The following PCDHA8 variants were observed in gnomAD, a reference collection of about 807,000 sequenced individuals.
The protein encoded by PCDHA8 is protocadherin alpha 8.
In PCDHA8, 53 loss-of-function variants were observed where a neutral mutation model predicts 61.8. The observed-to-expected ratio is 0.86, with a 90% CI of 0.69 to 1.08. The LOEUF (loss-of-function observed/expected upper bound fraction) is 1.08, where lower values mean the gene tolerates loss of function less well. Among genes scored for constraint, PCDHA8 ranks in the 50% least tolerant of loss-of-function variants. The probability of loss-of-function intolerance (pLI) is 0.00; values close to 1 mark genes in which losing one functional copy is unlikely to be tolerated. For synonymous variants in PCDHA8, 618 were observed against 556.6 expected (o/e 1.11, Z -1.55); for missense variants, 1,293 against 1,245.0 (o/e 1.04, Z -0.58).
At chr5:140,889,949 A>C (rs1444545834) in intron 1 of PCDHA8, among the ~76,000 whole-genome samples, 1 of 152,202 alleles carries the variant, frequency 6.6e-6, no homozygotes. Flanking sequence ...GAGAAGCCAA[A>C]TGGATAGAAA....
At chr5:140,935,592 T>C (rs1554210581) in intron 1 of PCDHA8, among the ~76,000 whole-genome samples, 1 of 152,252 alleles carries the variant, frequency 6.6e-6, no homozygotes, top group East Asian at 1.9e-4. Context: ...ACCAGCTAGA[T>C]ACAGAGCTAG....
chr5:140,924,613 T>G (rs185833158), intron 1 of PCDHA8, among the ~76,000 whole-genome samples: 1 of 152,170 alleles, frequency 6.6e-6, no homozygotes, highest in African/African-American at 2.4e-5. Context: ...TGATGCCAGG[T>G]GCGGTGGCAT....
chr5:140,939,215 G>C (rs1251785254), intron 1 of PCDHA8, among the ~76,000 whole-genome samples: 1 of 152,154 alleles, frequency 6.6e-6, no homozygotes, highest in African/African-American at 2.4e-5. Context: ...CCTTCTTGCT[G>C]TCTCTTCACC....
At chr5:140,935,232 A>G (rs2090253350) in intron 1 of PCDHA8, among the ~76,000 whole-genome samples, 1 of 152,110 alleles carries the variant, frequency 6.6e-6, no homozygotes, top group African/African-American at 2.4e-5. Context: ...AGGGATGTCT[A>G]TTTTTTAAAA....
At chr5:140,850,606 T>G (rs2150490821) in intron 1 of PCDHA8, 6 of 1,598,534 alleles carry the variant, frequency 3.8e-6, no homozygotes, top group Non-Finnish European at 5.1e-6. Flanking sequence ...ATCATCGCCA[T>G]CTGCGCGGTG....
At position 140,892,541 on chromosome 5, in the gene PCDHA8, T is replaced by C. The variant is rs192378744; in HGVS notation, c.2394+48826T>C. Among the ~76,000 whole-genome samples, 471 of 152,362 alleles carry C rather than the reference T, an allele frequency of 3.1e-3. 2 individuals are homozygous for C. Among genetic ancestry groups the C allele is most frequent in the African/African-American group, 0.011 (438 of 41,580 alleles). On this transcript the variant is annotated intron_variant, in intron 1 of 3. Coordinates refer to ENST00000531613, the MANE Select transcript of PCDHA8 (RefSeq NM_018911.3). ...CTGGTAGACTCAGGATTCTGACTTTTGTTTCTCTAGTCCTTGGAGACTGTC... is the reference window on the plus strand; with the variant it reads ...CTGGTAGACTCAGGATTCTGACTTTCGTTTCTCTAGTCCTTGGAGACTGTC...
At chr5:140,989,928 A>T (rs2097366853) in intron 3 of PCDHA8, among the ~76,000 whole-genome samples, 1 of 152,032 alleles carries the variant, frequency 6.6e-6, no homozygotes, top group African/African-American at 2.4e-5. Context: ...GCAGAGATAG[A>T]TGACATTCCA....
intron 1 of PCDHA8, among the ~76,000 whole-genome samples, chr5:140,898,910 C>G (rs1313149642): frequency 6.6e-6 from 1 of 152,040 alleles, no homozygotes; most frequent in African/African-American, 2.4e-5. Context: ...CTTCACGTCC[C>G]TTGTAAGTTG....
At chr5:140,862,290 A>G (rs1423685229) in intron 1 of PCDHA8, 3 of 265,086 alleles carry the variant, frequency 1.1e-5, no homozygotes, top group Admixed American at 4.8e-5. Flanking sequence ...GTACAGGAGG[A>G]CGCTCCACTG....
In PCDHA8 at chr5:140,844,415, G is replaced by GT. The variant is rs1436440937; in HGVS notation, c.2394+706dup. Among the ~76,000 whole-genome samples, 5 of 149,230 alleles carry GT rather than the reference G, an allele frequency of 3.4e-5. 1 individual carries two copies. Among genetic ancestry groups the GT allele is most frequent in the Non-Finnish European group, 6.0e-5 (4 of 66,716 alleles). On this transcript the variant is annotated intron_variant, in intron 1 of 3. Transcript: ENST00000531613. ...AGACCATTTTACCATTTGGAGACAT[G>GT]TTTTTTATTCTACATGATTTTTACA...
intron 1 of PCDHA8, chr5:140,876,186 T>A: frequency 1.2e-6 from 2 of 1,613,960 alleles, no homozygotes; most frequent in Middle Eastern, 1.6e-4. Context: ...TGAATGACAA[T>A]GGTCCGGCGT....
In PCDHA8 at chr5:140,870,098, A is replaced by G. The variant is rs181372298; in HGVS notation, c.2394+26383A>G. 3.1e-6 allele frequency: 5 copies of G among 1,613,860 alleles called. No individual in the cohort carries two copies. The East Asian group carries it at 1.1e-4, about 36-fold the overall frequency. On this transcript the variant is annotated intron_variant, in intron 1 of 3. Transcript: ENST00000531613. ...AAGGGGACTCCCCCAATGGCAGGTC[A>G]CTGTACAGTCTGGGTGGAAATCTTG... is the stretch of plus-strand genomic sequence containing the variant.
chr5:140,941,214 C>CTTTCTTTCTTT (rs1554214039), intron 1 of PCDHA8, among the ~76,000 whole-genome samples: 7,707 of 122,054 alleles, frequency 0.063, 376 homozygotes, highest in South Asian at 0.093. Context: ...TTTCTTTCTT[C>CTTTCTTTCTTT]CTTTCTTTCT....
intron 1 of PCDHA8, among the ~76,000 whole-genome samples, chr5:140,925,279 C>T (rs1477579286): frequency 6.6e-6 from 1 of 152,058 alleles, no homozygotes; most frequent in African/African-American, 2.4e-5. Context: ...TCAGATTTTG[C>T]CTTTCAAATG....
chr5:140,857,855 A>T, intron 1 of PCDHA8: 1 of 1,597,468 alleles, frequency 6.3e-7, no homozygotes, highest in Non-Finnish European at 8.6e-7. Context: ...CTCTGGATAC[A>T]ACGCGTGGCT....
intron 1 of PCDHA8, chr5:140,966,342 T>G: frequency 2.5e-6 from 1 of 395,470 alleles, no homozygotes; most frequent in Non-Finnish European, 4.4e-6. Flanking sequence ...AGGTCCAGGG[T>G]GAAGGAGATG....
rs181372488 is a variant in PCDHA8, at chr5:140,858,049, G to A, written c.2394+14334G>A. 14,822 of 1,597,442 alleles carry A rather than the reference G, an allele frequency of 9.3e-3. 1,340 individuals carry two copies. Among genetic ancestry groups the A allele is most frequent in the Non-Finnish European group, 0.012 (13,697 of 1,167,420 alleles). On this transcript the variant is annotated intron_variant, in intron 1 of 3. Transcript: ENST00000531613. Reference sequence around the variant, plus strand: ...CGGCCACGGCCACTGTGCTTGTGTCGCTTGTGGAGGGCAGCCAGGCACCCA... The same window carrying A: ...CGGCCACGGCCACTGTGCTTGTGTCACTTGTGGAGGGCAGCCAGGCACCCA...
intron 1 of PCDHA8, among the ~76,000 whole-genome samples, chr5:140,948,711 C>CT (rs1443735728): frequency 6.8e-6 from 1 of 147,398 alleles, no homozygotes; most frequent in African/African-American, 2.7e-5. Context: ...GTTCTATCCT[C>CT]TTTTTTATCA....
intron 3 of PCDHA8, among the ~76,000 whole-genome samples, chr5:141,007,874 T>TA (rs2098349969): frequency 6.6e-6 from 1 of 152,244 alleles, no homozygotes; most frequent in African/African-American, 2.4e-5. Flanking sequence ...TCCTTTGTCT[T>TA]ACACTTCTTT....
Sources: gnomAD v4.1 joint callset for allele counts (sites outside exome capture counted in the v4.1 genomes callset) on GRCh38, gnomAD v4.1.1 for gene constraint, MANE v1.5 for transcripts, NCBI Gene and HGNC (gene_info 2026-07-23, HGNC 2026-07-21) for gene names.